EVI5: variants seen among roughly 807,000 people sequenced by gnomAD.
The protein encoded by EVI5 is ecotropic viral integration site 5 protein homolog.
A neutral mutation model predicts 112.0 loss-of-function variants in EVI5; 73 were observed. The observed-to-expected ratio is 0.65, with a 90% CI of 0.54 to 0.79. The LOEUF (loss-of-function observed/expected upper bound fraction) is 0.79. EVI5 is among the 30% of genes least tolerant of loss of function. EVI5 has a pLI of 0.00. For synonymous variants in EVI5, 305 were observed against 319.9 expected (o/e 0.95, Z 0.50); for missense variants, 900 against 968.8 (o/e 0.93, Z 0.94).
In EVI5 at chr1:92,700,463, T is replaced by G. The variant is rs994722459; in HGVS notation, c.639+1678A>C. Among the ~76,000 whole-genome samples, 12 of 152,268 alleles carry G rather than the reference T, an allele frequency of 7.9e-5. No homozygotes were observed. In the South Asian group the frequency reaches 1.7e-3, roughly 21 times the overall value. On this transcript the variant is annotated intron_variant, in intron 5 of 19. Coordinates refer to ENST00000684568, the MANE Select transcript of EVI5 (RefSeq NM_001350197.2). ...CTACCTTATGGCCCTGGGCCATAAG[T>G]GACTACTGTTCTTGTGTTAATATAC...
At chr1:92,587,828 C>T (rs1331874887) in intron 18 of EVI5, among the ~76,000 whole-genome samples, 3 of 152,266 alleles carry the variant, frequency 2.0e-5, no homozygotes, top group East Asian at 1.9e-4. Context: ...AACAAAGTGG[C>T]GTTAATTTTA....
At chr1:92,558,889 A>C (rs1421094100) in intron 19 of EVI5, among the ~76,000 whole-genome samples, 2 of 151,510 alleles carry the variant, frequency 1.3e-5, no homozygotes, top group Non-Finnish European at 2.9e-5. Flanking sequence ...CCCAAACAAC[A>C]CCAACCAAAA....
intron 18 of EVI5, among the ~76,000 whole-genome samples, chr1:92,601,539 G>A (rs1649169841): frequency 6.6e-6 from 1 of 152,062 alleles, no homozygotes; most frequent in Non-Finnish European, 1.5e-5. Context: ...AAAAAGGAAG[G>A]AAATTCTGTC....
chr1:92,616,698 T>C (rs751148507), intron 16 of EVI5, among the ~76,000 whole-genome samples: 1 of 152,218 alleles, frequency 6.6e-6, no homozygotes, highest in African/African-American at 2.4e-5. Context: ...TGCCATCTTC[T>C]TCAGATAACT....
At chr1:92,767,864 G>A (rs12759878) in intron 1 of EVI5, among the ~76,000 whole-genome samples, 4 of 152,120 alleles carry the variant, frequency 2.6e-5, no homozygotes, top group Non-Finnish European at 5.9e-5. Context: ...TGAATCACTC[G>A]AGGCCAGGAG....
chr1:92,689,228 G>C (rs1435521538), intron 9 of EVI5, among the ~76,000 whole-genome samples: 3 of 152,240 alleles, frequency 2.0e-5, no homozygotes, highest in Middle Eastern at 3.4e-3. Flanking sequence ...CTGTGATGCT[G>C]AACACAGCTT....
intron 14 of EVI5, among the ~76,000 whole-genome samples, chr1:92,627,032 A>G (rs113591833): frequency 6.6e-6 from 1 of 152,150 alleles, no homozygotes; most frequent in African/African-American, 2.4e-5. Flanking sequence ...TTTTTCCGTA[A>G]GTTATTGGGG....
At chr1:92,760,864 G>A (rs898832969) in intron 1 of EVI5, among the ~76,000 whole-genome samples, 4 of 151,932 alleles carry the variant, frequency 2.6e-5, no homozygotes, top group African/African-American at 7.2e-5. Context: ...AGACCATCCT[G>A]GCTAATACGG....
rs59187992 is a variant in EVI5, at chr1:92,525,287, T to TTG, written c.2167-11318_2167-11317insCA. 4.4e-4 allele frequency among the ~76,000 whole-genome samples: 66 copies of TTG among 148,658 alleles called. No homozygotes were observed. The East Asian group carries it at 8.2e-3, about 18-fold the overall frequency. ...AATGCCTTTTTTTTTTTTTTTTTTT[T>TTG]GAGACAGAGTCTCAATCTGTTGCCC... is the stretch of plus-strand genomic sequence containing the variant. On this transcript the variant is annotated intron_variant, in intron 19 of 19. Coordinates refer to ENST00000684568, the MANE Select transcript of EVI5 (RefSeq NM_001350197.2).
chr1:92,534,642 G>GTGATCTTTGAC (rs979526603), intron 19 of EVI5, among the ~76,000 whole-genome samples: 1 of 152,058 alleles, frequency 6.6e-6, no homozygotes, highest in Non-Finnish European at 1.5e-5. Flanking sequence ...GTACAACCAT[G>GTGATCTTTGAC]TGATCTTTGA....
chr1:92,714,245 T>C (rs1673281223), intron 2 of EVI5: 1 of 436,672 alleles, frequency 2.3e-6, no homozygotes, highest in Admixed American at 6.4e-5. Flanking sequence ...AGTTTCTTCA[T>C]AGAATTTGAT....
chr1:92,670,904 A>T (rs1333907891), intron 10 of EVI5, among the ~76,000 whole-genome samples: 2 of 152,166 alleles, frequency 1.3e-5, no homozygotes, highest in Non-Finnish European at 2.9e-5. Flanking sequence ...CTAGCATACT[A>T]AGTTACATCT....
chr1:92,624,253 T>C lies in EVI5; in HGVS notation c.1750A>G (p.Thr584Ala). ...GTTTCAGCTTCTCTAAGTCGAATGG[T>C]CATCAGTTCATCTTGTAACTCATTC... ...AMNELQDELM[T>A]IRLREAETQA... Residue 584 changes from threonine to alanine, a missense_variant, in exon 16 of 20, where the codon ACC becomes GCC. Transcript: ENST00000684568. 1.2e-6 allele frequency: 2 copies of C among 1,611,954 alleles called. No individual in the cohort carries two copies. The highest frequency in any genetic ancestry group is 1.7e-6 in the Non-Finnish European group (2 of 1,178,072).
chr1:92,548,583 A>G (rs956356776), intron 19 of EVI5, among the ~76,000 whole-genome samples: 1 of 152,218 alleles, frequency 6.6e-6, no homozygotes, highest in Non-Finnish European at 1.5e-5. Flanking sequence ...ACATGATTGT[A>G]TATTTAGAAA....
At chr1:92,663,194 T>C (rs973226765) in intron 12 of EVI5, among the ~76,000 whole-genome samples, 1 of 152,146 alleles carries the variant, frequency 6.6e-6, no homozygotes, top group African/African-American at 2.4e-5. Context: ...CATTTTGAAA[T>C]AAATACTTTA....
At position 92,653,691 on chromosome 1, in the gene EVI5, G is replaced by A. The variant is rs188537108; in HGVS notation, c.1392+9028C>T. Reference sequence around the variant, plus strand: ...CCATATCTAAGCTTGTGCAAAAGGTGGGACCCCCTCCCCCTCTCCATGCAG... The same window carrying A: ...CCATATCTAAGCTTGTGCAAAAGGTAGGACCCCCTCCCCCTCTCCATGCAG... On this transcript the variant is annotated intron_variant, in intron 13 of 19. Coordinates refer to ENST00000684568, the MANE Select transcript of EVI5 (RefSeq NM_001350197.2). 9.3e-4 allele frequency among the ~76,000 whole-genome samples: 142 copies of A among 152,320 alleles called. 1 individual carries two copies. Among genetic ancestry groups the A allele is most frequent in the African/African-American group, 3.3e-3 (137 of 41,584 alleles).
chr1:92,615,389 T>C (rs1290432827), intron 16 of EVI5, among the ~76,000 whole-genome samples: 2 of 152,110 alleles, frequency 1.3e-5, no homozygotes, highest in Non-Finnish European at 2.9e-5. Flanking sequence ...TCACAAGCTC[T>C]TCATGCGAGT....
chr1:92,754,758 T>C (rs1430698833), intron 1 of EVI5, among the ~76,000 whole-genome samples: 2 of 152,336 alleles, frequency 1.3e-5, no homozygotes, highest in South Asian at 4.1e-4. Flanking sequence ...TAAGTCACTC[T>C]GATATTTTTG....
chr1:92,743,754 T>C (rs2102870545), intron 1 of EVI5, among the ~76,000 whole-genome samples: 1 of 152,340 alleles, frequency 6.6e-6, no homozygotes, highest in South Asian at 2.1e-4. Context: ...TCTTTTGTTC[T>C]TGTTACCCTG....
Sources: allele counts gnomAD v4.1 joint callset (sites outside exome capture counted in the v4.1 genomes callset), GRCh38; gene constraint gnomAD v4.1.1; transcripts MANE v1.5; gene names NCBI Gene and HGNC (gene_info 2026-07-23, HGNC 2026-07-21).